Variants in NRXN1 observed in about 807,000 individuals in gnomAD.
NRXN1 encodes neurexin-1.
NRXN1 carries 39 observed loss-of-function variants against 150.9 expected under a neutral mutation model. The ratio of observed to expected loss-of-function variants is 0.26; its 90% CI spans 0.20 to 0.34. The LOEUF is 0.34. Among genes scored for constraint, NRXN1 ranks in the 10% least tolerant of loss-of-function variants. The probability of loss-of-function intolerance (pLI) is 1.00; values close to 1 mark genes in which losing one functional copy is unlikely to be tolerated. For missense variants in NRXN1, 1,815 were observed against 1,949.9 expected, an observed-to-expected ratio of 0.93 and a Z score of 1.30; for synonymous variants, 924 against 757.0, an observed-to-expected ratio of 1.22 and a Z score of -3.62.
At chr2:50,264,791 T>C (rs2068667840) in intron 17 of NRXN1, among the ~76,000 whole-genome samples, 1 of 152,062 alleles carries the variant, frequency 6.6e-6, no homozygotes, top group East Asian at 1.9e-4. Context: ...AGTTATAATC[T>C]AGGCCTCTGT....
At chr2:50,458,008 G>C (rs763517039) in intron 17 of NRXN1, among the ~76,000 whole-genome samples, 6 of 152,060 alleles carry the variant, frequency 3.9e-5, no homozygotes, top group Non-Finnish European at 7.4e-5. Flanking sequence ...AAGGAAATCA[G>C]TATATCGAAG....
chr2:50,362,497 C>T (rs528122715), intron 17 of NRXN1, among the ~76,000 whole-genome samples: 31 of 152,092 alleles, frequency 2.0e-4, no homozygotes, highest in Non-Finnish European at 3.5e-4. Flanking sequence ...CTCACAATTG[C>T]TGCAAAGAGA....
chr2:50,135,508 C>G (rs1048439062), intron 18 of NRXN1, among the ~76,000 whole-genome samples: 1 of 152,006 alleles, frequency 6.6e-6, no homozygotes, highest in South Asian at 2.1e-4. Context: ...CTGGCTAACA[C>G]AGTGAAACCC....
chr2:50,217,683 A>G (rs2063499669), intron 18 of NRXN1, among the ~76,000 whole-genome samples: 1 of 152,044 alleles, frequency 6.6e-6, no homozygotes, highest in Admixed American at 6.6e-5. Context: ...GTCTGTCAAC[A>G]GAACGCCTGG....
chr2:50,708,975 G>A (rs553740424), intron 5 of NRXN1, among the ~76,000 whole-genome samples: 1 of 152,226 alleles, frequency 6.6e-6, no homozygotes, highest in Non-Finnish European at 1.5e-5. Context: ...GGAGAACAGG[G>A]TTCTATGCAG....
chr2:50,023,440 T>C (rs963406557), intron 21 of NRXN1: 4 of 152,134 alleles, frequency 2.6e-5, no homozygotes, highest in Middle Eastern at 3.2e-3. Context: ...ATTTTTTTTT[T>C]CTGGGAAAAT....
At chr2:50,444,684 T>C (rs1225815086) in intron 17 of NRXN1, among the ~76,000 whole-genome samples, 1 of 152,040 alleles carries the variant, frequency 6.6e-6, no homozygotes, top group South Asian at 2.1e-4. Flanking sequence ...ACCTTAAAAA[T>C]CAAAATTAAT....
intron 5 of NRXN1, among the ~76,000 whole-genome samples, chr2:50,654,646 A>G (rs986974178): frequency 6.6e-6 from 1 of 152,070 alleles, no homozygotes; most frequent in Non-Finnish European, 1.5e-5. Flanking sequence ...AGTCCCATCA[A>G]CAGTGTAAAA....
intron 18 of NRXN1, among the ~76,000 whole-genome samples, chr2:50,169,306 T>C (rs1267453744): frequency 1.3e-5 from 2 of 152,188 alleles, no homozygotes; most frequent in African/African-American, 4.8e-5. Flanking sequence ...TTGTGTAAAG[T>C]GGCCCATGAG....
intron 17 of NRXN1, among the ~76,000 whole-genome samples, chr2:50,423,980 A>C (rs955022955): frequency 2.0e-5 from 3 of 151,956 alleles, no homozygotes; most frequent in Non-Finnish European, 4.4e-5. Context: ...TACAGTGGAG[A>C]AAGAACAGCA....
intron 22 of NRXN1, among the ~76,000 whole-genome samples, chr2:49,932,571 CCTT>C (rs1470222496): frequency 2.6e-5 from 4 of 152,160 alleles, no homozygotes; most frequent in African/African-American, 9.6e-5. Flanking sequence ...TTCCAGGAAA[CCTT>C]TAGCAATAAC....
chr2:50,932,505 T>C (rs1040177206), intron 2 of NRXN1, among the ~76,000 whole-genome samples: 21 of 152,000 alleles, frequency 1.4e-4, no homozygotes, highest in African/African-American at 4.8e-4. Flanking sequence ...GTTAATATCA[T>C]ATGTTCCCAC....
intron 18 of NRXN1, among the ~76,000 whole-genome samples, chr2:50,115,470 A>T (rs983569692): frequency 1.3e-5 from 2 of 151,828 alleles, no homozygotes; most frequent in Non-Finnish European, 2.9e-5. Context: ...ATCCACAACA[A>T]ACTAATAAAG....
intron 17 of NRXN1, among the ~76,000 whole-genome samples, chr2:50,435,979 C>A (rs993296224): frequency 1.1e-4 from 16 of 152,176 alleles, no homozygotes; most frequent in African/African-American, 3.4e-4. Flanking sequence ...TAGAAAATAT[C>A]ATGTAGTCAA....
chr2:50,680,004 C>T (rs946483676), intron 5 of NRXN1, among the ~76,000 whole-genome samples: 6 of 150,868 alleles, frequency 4.0e-5, no homozygotes, highest in Non-Finnish European at 8.8e-5. Context: ...TAGTGGTGTG[C>T]GCCTGTAGTC....
At chr2:50,430,432 T>C (rs1176913355) in intron 17 of NRXN1, among the ~76,000 whole-genome samples, 1 of 152,202 alleles carries the variant, frequency 6.6e-6, no homozygotes, top group Admixed American at 6.5e-5. Flanking sequence ...TCCCACACAA[T>C]AGTCATTCGC....
intron 17 of NRXN1, among the ~76,000 whole-genome samples, chr2:50,339,037 C>A (rs1436943160): frequency 1.3e-5 from 2 of 152,048 alleles, no homozygotes; most frequent in African/African-American, 4.8e-5. Flanking sequence ...TAACTAATTG[C>A]CAAGACAGAC....
At chr2:50,262,772 G>C (rs956480746) in intron 17 of NRXN1, among the ~76,000 whole-genome samples, 1 of 151,888 alleles carries the variant, frequency 6.6e-6, no homozygotes, top group East Asian at 1.9e-4. Flanking sequence ...CATGCTTCTG[G>C]TTGAGAAAAA....
In NRXN1 at chr2:50,263,143, G is replaced by C. The variant is rs2068471491; in HGVS notation, c.3365-26173C>G. 2.7e-5 allele frequency among the ~76,000 whole-genome samples: 4 copies of C among 146,522 alleles called. No individual in the cohort carries two copies. The South Asian group carries it at 8.8e-4, about 32-fold the overall frequency. Reference sequence around the variant, plus strand: ...GCAAGGTGATGATCATTTTTACCAAGAGGAAAACACACATACACACACACA... The same window carrying C: ...GCAAGGTGATGATCATTTTTACCAACAGGAAAACACACATACACACACACA... On this transcript the variant is annotated intron_variant, in intron 17 of 22. Transcript: ENST00000401669.
Sources: gnomAD v4.1 joint callset for allele counts (sites outside exome capture counted in the v4.1 genomes callset) on GRCh38, gnomAD v4.1.1 for gene constraint, MANE v1.5 for transcripts, NCBI Gene and HGNC (gene_info 2026-07-23, HGNC 2026-07-21) for gene names.